Variants in NUDT10 observed in about 807,000 individuals in gnomAD.
NUDT10 encodes diphosphoinositol polyphosphate phosphohydrolase 3-alpha.
NUDT10 carries 2 observed loss-of-function variants against 10.5 expected under a neutral mutation model. The ratio of observed to expected loss-of-function variants is 0.19; its 90% CI spans 0.08 to 0.60. The LOEUF (loss-of-function observed/expected upper bound fraction) is 0.60. Ranked by LOEUF, NUDT10 falls within the 20% of genes least tolerant of loss-of-function variation. NUDT10 has a pLI of 0.89. For missense variants in NUDT10, 75 were observed against 149.5 expected (o/e 0.50, Z 2.60); for synonymous variants, 53 against 71.8 (o/e 0.74, Z 1.32).
chrX:51,336,915 T>G lies in NUDT10; in HGVS notation c.*676T>G, dbSNP rs1490703835. The G allele has an allele frequency of 8.9e-6, 1 of 112,327 alleles. No homozygotes were observed. Among genetic ancestry groups the G allele is most frequent in the Non-Finnish European group, 1.9e-5 (1 of 53,294 alleles). 9.3% of individuals were successfully genotyped at this position (112,327 alleles called of 1,213,427 possible). A position where few individuals can be genotyped will look rare whatever the true frequency, so the allele number is the denominator to read the frequency against. ...TCTAGCCTGAGCAATATAATGAGAC[T>G]CCGTCTCTTAAAATATTTGCCCAAA... On this transcript the variant is annotated 3_prime_UTR_variant, in exon 2 of 2. Coordinates refer to ENST00000356450, the MANE Select transcript of NUDT10 (RefSeq NM_001304963.2).
chrX:51,332,528 C>T (rs1248781065), upstream of NUDT10, among the ~76,000 whole-genome samples: 14 of 113,279 alleles, frequency 1.2e-4, 1 homozygote, highest in African/African-American at 4.2e-4. Flanking sequence ...GACCCCCGCC[C>T]CTGGCCCCTC....
At position 51,333,253 on chromosome X, in the gene NUDT10, T is replaced by G. The variant is rs782795388; in HGVS notation, c.288T>G (p.Tyr96Ter). 16 of 1,209,106 alleles carry G rather than the reference T, an allele frequency of 1.3e-5. 1 individual carries two copies. The highest frequency in any genetic ancestry group is 1.7e-5 in the Non-Finnish European group (15 of 894,941). ...ACCCCAAGCACAGAACGTACGTGTA[T>G]GTACTGACTGTCACGGAGCTGCTGG... ...NQDPKHRTYVYVLTVTELLED... is the reference protein window; with the variant it reads ...NQDPKHRTYV The change falls in exon 1 of 2, where the codon TAT becomes TAG. Residue 96 changes from tyrosine (Y) to a stop codon, truncating the protein, a stop_gained. Coordinates refer to ENST00000356450, the MANE Select transcript of NUDT10 (RefSeq NM_001304963.2). LOFTEE classifies it high-confidence loss of function.
chrX:51,334,495 G>A (rs1209181257), intron 1 of NUDT10, among the ~76,000 whole-genome samples: 72 of 112,406 alleles, frequency 6.4e-4, no homozygotes, highest in African/African-American at 2.0e-3. Flanking sequence ...AATCTTTTGT[G>A]GTGATTACAT....
At chrX:51,335,938 T>TC (rs1922826663) in intron 1 of NUDT10, among the ~76,000 whole-genome samples, 2 of 112,146 alleles carry the variant, frequency 1.8e-5, no homozygotes, top group South Asian at 7.5e-4. Flanking sequence ...GACTGAATCC[T>TC]CCCCCATATC....
At position 51,336,345 on chromosome X, in the gene NUDT10, A is replaced by G. The variant is rs1444010746; in HGVS notation, c.*106A>G. ...AGATGAGCTCTTTCACACTCCAAGGACACAGCTCATCCTATGCTTTTGGAC... is the reference window on the plus strand; with the variant it reads ...AGATGAGCTCTTTCACACTCCAAGGGCACAGCTCATCCTATGCTTTTGGAC... On this transcript the variant is annotated 3_prime_UTR_variant, in exon 2 of 2. Transcript: ENST00000356450. 1 of 494,454 alleles carries G rather than the reference A, an allele frequency of 2.0e-6. No individual in the cohort carries two copies. Among genetic ancestry groups the G allele is most frequent in the Non-Finnish European group, 3.7e-6 (1 of 272,223 alleles). 40.7% of individuals were successfully genotyped at this position (494,454 alleles called of 1,213,427 possible).
rs1387447484 is a variant in NUDT10 at position 51,336,736 on chromosome X, T to C, written c.*497T>C. 8.9e-6 allele frequency: 1 copy of C among 112,027 alleles called. No individual in the cohort carries two copies. Among genetic ancestry groups the C allele is most frequent in the African/African-American group, 3.3e-5 (1 of 30,764 alleles). 9.2% of individuals were successfully genotyped at this position (112,027 alleles called of 1,213,427 possible). A position where few individuals can be genotyped will look rare whatever the true frequency, so the allele number is the denominator to read the frequency against. On this transcript the variant is annotated 3_prime_UTR_variant, in exon 2 of 2. Transcript: ENST00000356450. ...GCTGTGAGATACTAGAAAGCAAAAA[T>C]TCTTACTCCTATGTCTGTGTCATCC...
intron 1 of NUDT10, 91 bp downstream of exon 1, chrX:51,333,550 C>T: frequency 9.0e-7 from 1 of 1,108,609 alleles, no homozygotes; most frequent in Non-Finnish European, 1.2e-6. Context: ...CATGTGCGGT[C>T]TCATGGGCAG....
upstream of NUDT10, chrX:51,332,817 G>C (rs1408359120): frequency 1.6e-5 from 15 of 927,526 alleles, no homozygotes; most frequent in South Asian, 5.6e-5. Flanking sequence ...CCCGGGCTCG[G>C]GGGCAGACGG....
At position 51,336,404 on chromosome X, in the gene NUDT10, C is replaced by T; in HGVS notation, c.*165C>T. 1 of 381,789 alleles carries T rather than the reference C, an allele frequency of 2.6e-6. No individual in the cohort carries two copies. The highest frequency in any genetic ancestry group is 5.0e-5 in the Admixed American group (1 of 20,189). The allele number at this position is 381,789 out of a possible 1,213,427, so 31.5% of individuals were successfully genotyped here. A position where few individuals can be genotyped will look rare whatever the true frequency, so the allele number is the denominator to read the frequency against. ...CCTGTTTATTACAATGACTATTCTC[C>T]AGGTTGTTGCACTACCGCTGTATCT... On this transcript the variant is annotated 3_prime_UTR_variant, in exon 2 of 2. Transcript: ENST00000356450.
intron 1 of NUDT10, among the ~76,000 whole-genome samples, chrX:51,335,930 C>A (rs935056321): frequency 4.5e-5 from 5 of 112,231 alleles, no homozygotes; most frequent in South Asian, 3.8e-4. Context: ...AGGACCCAGA[C>A]TGAATCCTCC....
intron 1 of NUDT10, 127 bp downstream of exon 1, chrX:51,333,586 G>C (rs1324252961): frequency 2.1e-6 from 2 of 962,579 alleles, no homozygotes; most frequent in Non-Finnish European, 2.8e-6. Context: ...TTCCTTGGCA[G>C]ACCCTCTGAA....
At position 51,333,127 on chromosome X, in the gene NUDT10, C is replaced by A; in HGVS notation, c.162C>A (p.Pro54=). 1 of 1,210,122 alleles carries A rather than the reference C, an allele frequency of 8.3e-7. No individual in the cohort carries two copies. The highest frequency in any genetic ancestry group is 1.1e-6 in the Non-Finnish European group (1 of 894,669). ...TCGTGCCGGGCGGGGGCATGGAGCCCGAGGAGGAGCCGGGCGGTGCGGCGG... is the reference window on the plus strand; with the variant it reads ...TCGTGCCGGGCGGGGGCATGGAGCCAGAGGAGGAGCCGGGCGGTGCGGCGG... ...RWIVPGGGME[P]EEEPGGAAVR... Residue 54 remains proline, a synonymous_variant, in exon 1 of 2, where the codon CCC becomes CCA. Coordinates refer to ENST00000356450, the MANE Select transcript of NUDT10 (RefSeq NM_001304963.2).
intron 1 of NUDT10, among the ~76,000 whole-genome samples, chrX:51,334,361 A>G (rs1922778726): frequency 8.9e-6 from 1 of 112,022 alleles, no homozygotes; most frequent in Admixed American, 9.4e-5. Flanking sequence ...CTTACTGGAT[A>G]CCATAGAAGA....
chrX:51,335,305 C>CAAAA (rs35660767), intron 1 of NUDT10, among the ~76,000 whole-genome samples: 2 of 43,284 alleles, frequency 4.6e-5, no homozygotes, highest in Non-Finnish European at 8.0e-5. Context: ...GCGACCGTCT[C>CAAAA]AAAAAAAAAA....
chrX:51,335,470 T>C (rs1394576884), intron 1 of NUDT10, among the ~76,000 whole-genome samples: 5 of 112,179 alleles, frequency 4.5e-5, no homozygotes, highest in African/African-American at 1.6e-4. Flanking sequence ...GTTAACATAT[T>C]TTCTAAGAAA....
At chrX:51,336,207 A>G (rs1557312721) in intron 1 of NUDT10, 32 bp from the exon 2 acceptor site, 1 of 561,750 alleles carries the variant, frequency 1.8e-6, no homozygotes, top group South Asian at 2.4e-5. Flanking sequence ...ATGAACCAAT[A>G]AAACCCTATT....
chrX:51,332,838 C>A lies in NUDT10; in HGVS notation c.-128C>A, dbSNP rs1257894391. 4.0e-6 allele frequency: 4 copies of A among 995,211 alleles called. No homozygotes were observed. The highest frequency in any genetic ancestry group is 3.9e-5 in the African/African-American group (2 of 51,170). The allele number at this position is 995,211 out of a possible 1,213,427, so 82.0% of individuals were successfully genotyped here. A position where few individuals can be genotyped will look rare whatever the true frequency, so the allele number is the denominator to read the frequency against. Reference sequence around the variant, plus strand: ...CTCGGGGGCAGACGGCAGACGGAGGCGCCTCTCTCTCCCCGCCCCTCTCCT... The same window carrying A: ...CTCGGGGGCAGACGGCAGACGGAGGAGCCTCTCTCTCCCCGCCCCTCTCCT... On this transcript the variant is annotated 5_prime_UTR_variant, in exon 1 of 2. Transcript: ENST00000356450.
Position 51,333,078 on chromosome X carries a change from G to C in NUDT10, c.113G>C (p.Ser38Thr), listed in dbSNP as rs1557312299. The C allele has an allele frequency of 9.1e-6, 11 of 1,209,983 alleles. No homozygotes were observed. The highest frequency in any genetic ancestry group is 1.2e-5 in the Non-Finnish European group (11 of 894,684). Residue 38 changes from serine to threonine, a missense_variant, in exon 1 of 2, where the codon AGC becomes ACC. Coordinates refer to ENST00000356450, the MANE Select transcript of NUDT10 (RefSeq NM_001304963.2). The part of the protein sequence containing the change: ...EREDEVLLVS[S>T]SRYPDRWIVP... The stretch of plus-strand genomic sequence containing the variant: ...GAGGACGAGGTCCTGTTAGTGAGTA[G>C]CAGCCGGTACCCGGACCGCTGGATC...
chrX:51,333,719 G>A (rs1373146728), intron 1 of NUDT10, among the ~76,000 whole-genome samples: 3 of 86,035 alleles, frequency 3.5e-5, no homozygotes, highest in Non-Finnish European at 4.4e-5. Flanking sequence ...TGGGGTTTTA[G>A]GTGCTGTAAC....
Sources: allele counts gnomAD v4.1 joint callset (sites outside exome capture counted in the v4.1 genomes callset), GRCh38; gene constraint gnomAD v4.1.1; transcripts MANE v1.5; gene names NCBI Gene and HGNC (gene_info 2026-07-23, HGNC 2026-07-21).